DNAH17: variants seen among roughly 807,000 people sequenced by gnomAD.
DNAH17 encodes the protein axonemal beta dynein heavy chain 17.
DNAH17 carries 376 observed loss-of-function variants against 485.6 expected under a neutral mutation model. The ratio of observed to expected loss-of-function variants is 0.77; its 90% CI spans 0.71 to 0.84. The LOEUF is 0.84. Ranked by LOEUF, DNAH17 falls within the 40% of genes least tolerant of loss-of-function variation. The probability of loss-of-function intolerance (pLI) is 0.00; values close to 1 mark genes in which losing one functional copy is unlikely to be tolerated. For synonymous variants in DNAH17, 3,031 were observed against 2,405.9 expected (o/e 1.26, Z -7.60); for missense variants, 6,370 against 5,839.3 (o/e 1.09, Z -2.96).
intron 58 of DNAH17, 57 bp from the exon 59 acceptor site, chr17:78,460,314 G>A (rs1303554324): frequency 2.1e-6 from 3 of 1,463,072 alleles, no homozygotes; most frequent in Non-Finnish European, 1.9e-6. Flanking sequence ...GCCTGTGGGG[G>A]CGTGTACGTG....
chr17:78,551,542 G>A lies in DNAH17; in HGVS notation c.2384C>T (p.Ala795Val). 2 of 1,613,976 alleles carry A rather than the reference G, an allele frequency of 1.2e-6. No homozygotes were observed. Among genetic ancestry groups the A allele is most frequent in the Non-Finnish European group, 1.7e-6 (2 of 1,179,832 alleles). The change falls in exon 16 of 81, where the codon GCT becomes GTT. Residue 795 changes from alanine (A) to valine (V), a missense_variant. By Grantham distance (64) the Ala-to-Val change is moderately conservative (BLOSUM62 0). Coordinates refer to ENST00000389840, the MANE Select transcript of DNAH17 (RefSeq NM_173628.4). ...GCTCTGCCCCTTGCTTACCTTCATA[G>A]CCTGGGAAATTCCTTCTATATTTTG... ...AKQNIEGISQAMKDWSANPLF... is the reference protein window; with the variant it reads ...AKQNIEGISQVMKDWSANPLF...
In DNAH17 at chr17:78,449,462, T is replaced by A. The variant is rs534434899; in HGVS notation, c.11163A>T (p.Gly3721=). ...TYSVYMYTAR[G]LFERDKLIFL... is the part of the protein sequence containing the mutation. ...AAATGAGTTTGTCCCTCTCGAAGAG[T>A]CCCCGGGCCGTGTACATGTAGACGG... Residue 3721 remains glycine (G), a synonymous_variant, in exon 69 of 81, where the codon GGA becomes GGT. Coordinates refer to ENST00000389840, the MANE Select transcript of DNAH17 (RefSeq NM_173628.4). 3 of 1,555,016 alleles carry A rather than the reference T, an allele frequency of 1.9e-6. No individual in the cohort carries two copies. In the African/African-American group the frequency reaches 4.1e-5, roughly 21 times the overall value.
At chr17:78,424,325 T>A in intron 80 of DNAH17, 172 bp from the exon 81 acceptor site, 1 of 760,560 alleles carries the variant, frequency 1.3e-6, no homozygotes, top group South Asian at 2.0e-5. Context: ...GGTGATGGCC[T>A]GCATGTTGTA....
intron 19 of DNAH17, among the ~76,000 whole-genome samples, chr17:78,534,759 G>A (rs1364782993): frequency 6.6e-6 from 1 of 152,148 alleles, no homozygotes; most frequent in Non-Finnish European, 1.5e-5. Flanking sequence ...TGCTGCCTGG[G>A]GTCTCTGCCC....
chr17:78,532,980 C>T (rs902326225), intron 19 of DNAH17: 3 of 386,772 alleles, frequency 7.8e-6, no homozygotes, highest in African/African-American at 2.0e-5. Flanking sequence ...CAGCCCAGAA[C>T]TCCTGGGCTC....
chr17:78,438,872 C>T (rs1248809380), intron 73 of DNAH17, among the ~76,000 whole-genome samples: 1 of 152,140 alleles, frequency 6.6e-6, no homozygotes, highest in African/African-American at 2.4e-5. Context: ...GTTGAAGAAT[C>T]CACGCTTTCC....
At chr17:78,457,712 G>A (rs1020541782) in intron 62 of DNAH17, among the ~76,000 whole-genome samples, 7 of 141,066 alleles carry the variant, frequency 5.0e-5, no homozygotes, top group Non-Finnish European at 1.5e-5. Context: ...CCAGGCTGGA[G>A]TACAATGGCG....
intron 29 of DNAH17, 75 bp downstream of exon 29, chr17:78,507,203 T>C: frequency 6.4e-7 from 1 of 1,556,610 alleles, no homozygotes; most frequent in Non-Finnish European, 8.8e-7. Context: ...TGCACAAGAC[T>C]TAAGTTCCGT....
At chr17:78,533,200 G>A (rs777043895) in intron 19 of DNAH17, 34 of 185,520 alleles carry the variant, frequency 1.8e-4, no homozygotes, top group East Asian at 4.3e-4. Flanking sequence ...CTCTCACTGC[G>A]TACCACATGC....
At chr17:78,545,910 T>C (rs1273768255) in intron 16 of DNAH17, among the ~76,000 whole-genome samples, 1 of 152,198 alleles carries the variant, frequency 6.6e-6, no homozygotes, top group Non-Finnish European at 1.5e-5. Context: ...TGCTGATTAA[T>C]ATTTTATGTG....
Position 78,525,147 on chromosome 17 carries a change from G to T in DNAH17, c.3726C>A (p.Ile1242=). 6.2e-7 allele frequency: 1 copy of T among 1,613,326 alleles called. No individual in the cohort carries two copies. The highest frequency in any genetic ancestry group is 8.5e-7 in the Non-Finnish European group (1 of 1,179,682). Residue 1242 remains isoleucine, a synonymous_variant, in exon 25 of 81, where the codon ATC becomes ATA. Coordinates refer to ENST00000389840, the MANE Select transcript of DNAH17 (RefSeq NM_173628.4). The part of the protein sequence containing the change: ...YKSLNKQQKS[I]SAMEGIMEAL... ...CCTCCATGATGCCTTCCATGGCGGA[G>T]ATGCTCTTTTGTTGCTAGGGGCGGC...
intron 59 of DNAH17, 22 bp from the exon 60 acceptor site, chr17:78,460,023 G>T: frequency 2.5e-6 from 4 of 1,611,218 alleles, no homozygotes; most frequent in South Asian, 1.1e-5. Context: ...AGACGGGATG[G>T]GTCCGATGGG....
intron 9 of DNAH17, among the ~76,000 whole-genome samples, chr17:78,567,604 G>A (rs527915647): frequency 6.6e-6 from 1 of 152,170 alleles, no homozygotes; most frequent in Non-Finnish European, 1.5e-5. Context: ...CCTATGCAGA[G>A]TGCCGTGTCC....
intron 69 of DNAH17, among the ~76,000 whole-genome samples, chr17:78,445,936 G>GAGAC (rs1380638222): frequency 1.3e-4 from 20 of 150,712 alleles, no homozygotes; most frequent in Non-Finnish European, 2.8e-4. Context: ...TTGGGAGGCC[G>GAGAC]AGGAGGGGGT....
At chr17:78,525,381 C>G (rs887757388) in intron 24 of DNAH17, among the ~76,000 whole-genome samples, 19 of 152,232 alleles carry the variant, frequency 1.2e-4, no homozygotes, top group African/African-American at 4.3e-4. Context: ...GACCTCTACC[C>G]ACACCAGCGT....
At position 78,480,805 on chromosome 17, in the gene DNAH17, A is replaced by AT; in HGVS notation, c.7650-20dup. 6.3e-7 allele frequency: 1 copy of AT among 1,588,912 alleles called. No individual in the cohort carries two copies. The highest frequency in any genetic ancestry group is 1.1e-5 in the South Asian group (1 of 89,470). On this transcript the variant is annotated intron_variant, in intron 48 of 80. Transcript: ENST00000389840. ...GTCATACCTGAGGGGGGAAACCAGC[A>AT]TTCATGTTGTGCCCCTGGCCTGGAG...
rs2089575426 is a variant in DNAH17, at chr17:78,485,727, G to A, written c.7306C>T (p.Arg2436Cys). 9.9e-6 allele frequency: 16 copies of A among 1,613,876 alleles called. No individual in the cohort carries two copies. Among genetic ancestry groups the A allele is most frequent in the East Asian group, 4.5e-5 (2 of 44,892 alleles). ...AGCAGGTCCATGAAGTAGCGGATGC[G>A]GATGGTTTCCGTGGTGTGGACCAAA... Reference protein sequence around the residue: ...ASLVHTTETIRIRYFMDLLME... With the variant: ...ASLVHTTETICIRYFMDLLME... Residue 2436 changes from arginine to cysteine, a missense_variant, in exon 47 of 81, where the codon CGC becomes TGC. Physicochemically the swap from Arg to Cys is radical, Grantham distance 180. Coordinates refer to ENST00000389840, the MANE Select transcript of DNAH17 (RefSeq NM_173628.4).
rs1200811737 is a variant in DNAH17, at chr17:78,450,336, G to A, written c.10958C>T (p.Pro3653Leu). The A allele has an allele frequency of 9.3e-6, 15 of 1,613,856 alleles. No homozygotes were observed. The highest frequency in any genetic ancestry group is 4.5e-5 in the East Asian group (2 of 44,900). The change falls in exon 68 of 81, where the codon CCG becomes CTG. Residue 3653 changes from proline to leucine, a missense_variant. Physicochemically the swap from Pro to Leu is moderately conservative, Grantham distance 98. Transcript: ENST00000389840. Reference protein sequence around the residue: ...KINEARENYRPAAERASLLYF... With the variant: ...KINEARENYRLAAERASLLYF... The stretch of plus-strand genomic sequence containing the variant: ...GAGCAGAGATGCCCTCTCCGCAGCC[G>A]GGCGGTAGTTCTCTCTCGCTTCGTT...
chr17:78,547,930 A>T (rs1167605992), intron 16 of DNAH17, among the ~76,000 whole-genome samples: 1 of 152,134 alleles, frequency 6.6e-6, no homozygotes, highest in African/African-American at 2.4e-5. Context: ...TTACTTCTTT[A>T]GTAACAACTA....
Sources: allele counts gnomAD v4.1 joint callset (sites outside exome capture counted in the v4.1 genomes callset), GRCh38; gene constraint gnomAD v4.1.1; transcripts MANE v1.5; gene names NCBI Gene and HGNC (gene_info 2026-07-23, HGNC 2026-07-21).